The following NPHP3 variants were observed in gnomAD, a reference collection of about 807,000 sequenced individuals.
The protein encoded by NPHP3 is nephrocystin 3.
In NPHP3, 123 loss-of-function variants were observed where a neutral mutation model predicts 171.9. That is an observed-to-expected ratio of 0.72 (90% CI 0.62 to 0.83). NPHP3 has a LOEUF of 0.83. Among genes scored for constraint, NPHP3 ranks in the 40% least tolerant of loss-of-function variants. The pLI is 0.00. For synonymous variants in NPHP3, 558 were observed against 579.2 expected (o/e 0.96, Z 0.52); for missense variants, 1,506 against 1,591.9 (o/e 0.95, Z 0.92).
At position 132,708,136 on chromosome 3, in the gene NPHP3, G is replaced by C. The variant is rs373255520; in HGVS notation, c.1240C>G (p.Gln414Glu). The part of the protein sequence containing the change: ...SSDSVQQLID[Q>E]VSNLNKTSKA... ...CTGGTCTTGTTTAGATTAGAAACTT[G>C]ATCAATCAATTGCTGGACAGAGTCA... The change falls in exon 7 of 27, where the codon CAA becomes GAA. Residue 414 changes from glutamine (Q) to glutamate (E), a missense_variant. This residue lies in a region of NPHP3 where 930 missense variants were observed against 924.9 expected (regional missense o/e 1.01). Transcript: ENST00000337331. 6.2e-6 allele frequency: 10 copies of C among 1,614,022 alleles called. No individual in the cohort carries two copies. In the African/African-American group the frequency reaches 9.3e-5, roughly 15 times the overall value.
intron 23 of NPHP3, chr3:132,685,153 T>C (rs899523507): frequency 8.2e-6 from 2 of 245,232 alleles, no homozygotes; most frequent in African/African-American, 4.6e-5. Flanking sequence ...AAATAATTTT[T>C]ATTTCTTTAT....
chr3:132,697,214 G>C (rs746696705), intron 14 of NPHP3, 46 bp downstream of exon 14: 2 of 1,248,972 alleles, frequency 1.6e-6, no homozygotes, highest in Non-Finnish European at 2.4e-6. Flanking sequence ...TGTTTCATAG[G>C]AAAGATGAGA....
At chr3:132,712,478 A>T (rs1214562225) in intron 6 of NPHP3, 1 of 456,766 alleles carries the variant, frequency 2.2e-6, no homozygotes, top group Non-Finnish European at 4.4e-6. Context: ...TAGAAAATAC[A>T]CGAATGGGCC....
chr3:132,698,232 G>C (rs896963191), intron 13 of NPHP3, among the ~76,000 whole-genome samples: 2 of 151,788 alleles, frequency 1.3e-5, no homozygotes, highest in South Asian at 2.1e-4. Flanking sequence ...ACCCGCCTCG[G>C]CCTCCCAAAG....
At chr3:132,709,148 C>T (rs1939836420) in intron 6 of NPHP3, among the ~76,000 whole-genome samples, 2 of 151,798 alleles carry the variant, frequency 1.3e-5, no homozygotes, top group Non-Finnish European at 2.9e-5. Context: ...TAAAAAAAAT[C>T]CCAAAAAACA....
In NPHP3 at chr3:132,694,915, C is replaced by T. The variant is rs1451958461; in HGVS notation, c.2222G>A (p.Cys741Tyr). Residue 741 changes from cysteine to tyrosine, a missense_variant, in exon 16 of 27, where the codon TGT becomes TAT. This residue lies in a region of NPHP3 where 930 missense variants were observed against 924.9 expected (regional missense o/e 1.01). Coordinates refer to ENST00000337331, the MANE Select transcript of NPHP3 (RefSeq NM_153240.5). ...TCTATATAATGAAAGAGTATCTTGA[C>T]ACTGGAAACACTGATGAAGGATTTT... ...LDKILHQCFQCQDTLSLYRLV... is the reference protein window; with the variant it reads ...LDKILHQCFQYQDTLSLYRLV... 4 of 1,613,642 alleles carry T rather than the reference C, an allele frequency of 2.5e-6. No individual in the cohort carries two copies. Among genetic ancestry groups the T allele is most frequent in the African/African-American group, 1.3e-5 (1 of 74,916 alleles).
Position 132,716,904 on chromosome 3 carries a change from C to A in NPHP3, c.676G>T (p.Gly226Ter). 1 of 1,613,862 alleles carries A rather than the reference C, an allele frequency of 6.2e-7. No homozygotes were observed. The highest frequency in any genetic ancestry group is 8.5e-7 in the Non-Finnish European group (1 of 1,180,028). ...CCAGTCCAATATTCACATTGGGTTC[C>A]AGCAGCTGTTCAGCAAGAGATTTTT... The part of the protein sequence containing the change: ...DDNCTDVTAA[G>*]TQCEYWTGGA... The change falls in exon 4 of 27, where the codon GGA becomes TGA. Residue 226 changes from glycine (G) to a stop codon, truncating the protein, a stop_gained. Coordinates refer to ENST00000337331, the MANE Select transcript of NPHP3 (RefSeq NM_153240.5). LOFTEE classifies it high-confidence loss of function.
At position 132,681,086 on chromosome 3, in the gene NPHP3, T is replaced by C. The variant is rs1939013825; in HGVS notation, c.*824A>G. Reference sequence around the variant, plus strand: ...TTTTTTAAAGTGCAGCAATCAGGGATTCTTGTGACTAATGTGTTTCACTGA... The same window carrying C: ...TTTTTTAAAGTGCAGCAATCAGGGACTCTTGTGACTAATGTGTTTCACTGA... On this transcript the variant is annotated 3_prime_UTR_variant, in exon 27 of 27. Coordinates refer to ENST00000337331, the MANE Select transcript of NPHP3 (RefSeq NM_153240.5). 1 of 152,118 alleles carries C rather than the reference T, an allele frequency of 6.6e-6. No homozygotes were observed. Among genetic ancestry groups the C allele is most frequent in the Non-Finnish European group, 1.5e-5 (1 of 68,006 alleles). The allele number at this position is 152,118 out of a possible 1,614,324, so 9.4% of individuals were successfully genotyped here.
chr3:132,682,936 G>A (rs1939069790), intron 25 of NPHP3, 118 bp from the exon 26 acceptor site: 3 of 698,108 alleles, frequency 4.3e-6, no homozygotes, highest in Non-Finnish European at 7.8e-6. Context: ...CTAAAAGATG[G>A]GAATAAACAG....
At position 132,708,079 on chromosome 3, in the gene NPHP3, C is replaced by A. The variant is rs749211618; in HGVS notation, c.1275+22G>T. 39 of 1,612,730 alleles carry A rather than the reference C, an allele frequency of 2.4e-5. 1 individual carries two copies. In the Admixed American group the frequency reaches 6.2e-4, roughly 26 times the overall value. On this transcript the variant is annotated intron_variant, in intron 7 of 26. Coordinates refer to ENST00000337331, the MANE Select transcript of NPHP3 (RefSeq NM_153240.5). ...TTTTCCCTCAGCTAAGTGTGTTTTT[C>A]AAAAATGCCTATGAATTTTACCTTG...
chr3:132,702,253 G>A (rs981093271), intron 9 of NPHP3, among the ~76,000 whole-genome samples: 7 of 152,136 alleles, frequency 4.6e-5, no homozygotes, highest in African/African-American at 1.7e-4. Flanking sequence ...CCTGGTCAGA[G>A]GAATAAACAC....
intron 8 of NPHP3, 79 bp from the exon 9 acceptor site, chr3:132,704,450 G>A: frequency 6.7e-7 from 1 of 1,498,264 alleles, no homozygotes; most frequent in Non-Finnish European, 9.3e-7. Flanking sequence ...GCCCAAAGTG[G>A]GCTTCACCTA....
At chr3:132,692,117 C>T (rs1459072797) in intron 17 of NPHP3, among the ~76,000 whole-genome samples, 1 of 152,186 alleles carries the variant, frequency 6.6e-6, no homozygotes, top group Admixed American at 6.5e-5. Context: ...TACAGTTACA[C>T]ACAGTATTCA....
Position 132,683,475 on chromosome 3 carries a change from C to T in NPHP3, c.3620G>A (p.Arg1207Gln), listed in dbSNP as rs1405742555. 7 of 1,612,730 alleles carry T rather than the reference C, an allele frequency of 4.3e-6. No individual in the cohort carries two copies. Among genetic ancestry groups the T allele is most frequent in the Non-Finnish European group, 5.9e-6 (7 of 1,179,138 alleles). The change falls in exon 25 of 27, where the codon CGA becomes CAA. Residue 1207 changes from arginine (R) to glutamine (Q), a missense_variant. Physicochemically the swap from Arg to Gln is conservative, Grantham distance 43 (BLOSUM62 1). Around this residue, in one of 3 missense-constraint regions of NPHP3, gnomAD observed 569 missense variants for 648.1 expected, o/e 0.88. Transcript: ENST00000337331. ...GTGCTTTGGGCCAAAAGATTTCTGT[C>T]GAATTTCAACAGCCAATTCATACAA... is the stretch of plus-strand genomic sequence containing the variant. ...VPLYELAVEI[R>Q]QKSFGPKHPS...
At chr3:132,689,468 C>T (rs1287448435) in intron 19 of NPHP3, among the ~76,000 whole-genome samples, 4 of 152,160 alleles carry the variant, frequency 2.6e-5, no homozygotes, top group African/African-American at 9.7e-5. Flanking sequence ...ACCTCTTAGA[C>T]CTCATCACCT....
rs1940017725 is a variant in NPHP3 at position 132,715,213 on chromosome 3, A to G, written c.829T>C (p.Trp277Arg). ...GPFANVNRDD[W>R]DIAVASLLQV... ...AATAAACTAGCTACAGCAATATCCC[A>G]GTCATCTGAAAATAAAATTTCTCAA... Residue 277 changes from tryptophan (W) to arginine (R), a missense_variant, in exon 5 of 27, where the codon TGG becomes CGG. Around this residue, in one of 3 missense-constraint regions of NPHP3, gnomAD observed 930 missense variants for 924.9 expected, o/e 1.01. Transcript: ENST00000337331. The G allele has an allele frequency of 6.2e-7, 1 of 1,611,630 alleles. No homozygotes were observed. The highest frequency in any genetic ancestry group is 1.1e-5 in the South Asian group (1 of 91,030).
chr3:132,712,246 C>T lies in NPHP3; in HGVS notation c.1118+880G>A, dbSNP rs147025512. Among the ~76,000 whole-genome samples, 870 of 152,292 alleles carry T rather than the reference C, an allele frequency of 5.7e-3. 7 individuals carry two copies. The highest frequency in any genetic ancestry group is 0.02 in the African/African-American group (813 of 41,560). ...TGTAAATTATGATTCAACACCTACA[C>T]AAGTGATCAAGTACATGAACTTTAT... On this transcript the variant is annotated intron_variant, in intron 6 of 26. Coordinates refer to ENST00000337331, the MANE Select transcript of NPHP3 (RefSeq NM_153240.5).
chr3:132,699,260 A>G (rs1939540136), intron 13 of NPHP3, 93 bp downstream of exon 13: 6 of 856,644 alleles, frequency 7.0e-6, no homozygotes, highest in Non-Finnish European at 1.9e-6. Context: ...TTACATAAAA[A>G]ATGTGAAAAC....
At chr3:132,692,984 A>C in intron 16 of NPHP3, 166 bp from the exon 17 acceptor site, 2 of 640,482 alleles carry the variant, frequency 3.1e-6, no homozygotes, top group South Asian at 3.8e-5. Context: ...ACTGTCCAAA[A>C]GACATTAATG....
Sources: allele counts gnomAD v4.1 joint callset (sites outside exome capture counted in the v4.1 genomes callset), GRCh38; gene constraint gnomAD v4.1.1; regional missense constraint gnomAD v4.1.1; transcripts MANE v1.5; gene names NCBI Gene and HGNC (gene_info 2026-07-23, HGNC 2026-07-21).